SULT2B1: variants seen among roughly 807,000 people sequenced by gnomAD.
The protein encoded by SULT2B1 is sulfotransferase family 2B member 1.
SULT2B1 carries 16 observed loss-of-function variants against 33.2 expected under a neutral mutation model. That is an observed-to-expected ratio of 0.48 (90% CI 0.33 to 0.73). The LOEUF is 0.73. Ranked by LOEUF, SULT2B1 falls within the 30% of genes least tolerant of loss-of-function variation. SULT2B1 has a pLI of 0.02. For missense variants in SULT2B1, 500 were observed against 506.0 expected (o/e 0.99, Z 0.11); for synonymous variants, 186 against 200.5 (o/e 0.93, Z 0.61).
intron 2 of SULT2B1, among the ~76,000 whole-genome samples, chr19:48,580,768 A>T (rs1973475422): frequency 6.6e-6 from 1 of 150,718 alleles, no homozygotes; most frequent in South Asian, 2.1e-4. Context: ...AGCCTCCCTA[A>T]TAGCCACCAC....
chr19:48,582,609 A>T (rs1363112154), intron 2 of SULT2B1, among the ~76,000 whole-genome samples: 2 of 152,092 alleles, frequency 1.3e-5, no homozygotes, highest in African/African-American at 4.8e-5. Flanking sequence ...GCACTTTGGG[A>T]GGTCGAGGCA....
intron 1 of SULT2B1, among the ~76,000 whole-genome samples, chr19:48,563,495 C>T (rs896476705): frequency 9.2e-5 from 14 of 152,164 alleles, no homozygotes; most frequent in Non-Finnish European, 1.8e-4. Context: ...CTAATGTATA[C>T]ACAGACACGG....
At chr19:48,575,247 T>G (rs1271396469) in intron 1 of SULT2B1, among the ~76,000 whole-genome samples, 4 of 150,608 alleles carry the variant, frequency 2.7e-5, no homozygotes, top group Non-Finnish European at 5.9e-5. Flanking sequence ...TAGCTGGGAT[T>G]GCAGGTGCCC....
chr19:48,587,890 CAAAAAAAAAAAAAAA>C (rs67551728), intron 3 of SULT2B1, among the ~76,000 whole-genome samples: 17 of 39,882 alleles, frequency 4.3e-4, no homozygotes, highest in African/African-American at 1.4e-3. Flanking sequence ...AAGACTGTCT[CAAAAAAAAAAAAAAA>C]AAAAAAAAAA....
intron 1 of SULT2B1, among the ~76,000 whole-genome samples, chr19:48,570,201 C>T (rs1601093840): frequency 6.8e-6 from 1 of 146,216 alleles, no homozygotes; most frequent in African/African-American, 2.5e-5. Context: ...TTTTCTGAGG[C>T]GGAGTTTCAC....
At chr19:48,575,911 C>A (rs770139965) in intron 1 of SULT2B1, 30 bp from the exon 2 acceptor site, 2 of 1,600,652 alleles carry the variant, frequency 1.2e-6, no homozygotes, top group Admixed American at 1.7e-5. Flanking sequence ...CCCTACTCTC[C>A]CTCATGGCGT....
rs567294175 is a variant in SULT2B1, at chr19:48,596,981, G to A, written c.826+62G>A. The A allele has an allele frequency of 1.3e-4, 190 of 1,471,152 alleles. 1 individual carries two copies. The African/African-American group carries it at 2.4e-3, about 19-fold the overall frequency. 91.1% of individuals were successfully genotyped at this position (1,471,152 alleles called of 1,614,324 possible). ...CTGCCCGGCTGTGTGACCTGGGAGA[G>A]TTACTTAACCTCTCTGGGCCTCAGT... On this transcript the variant is annotated intron_variant, in intron 6 of 6. Transcript: ENST00000201586.
chr19:48,578,235 T>C (rs969761434), intron 2 of SULT2B1, among the ~76,000 whole-genome samples: 1 of 151,790 alleles, frequency 6.6e-6, no homozygotes, highest in African/African-American at 2.4e-5. Flanking sequence ...AAGGTACAAT[T>C]CAATGACTTT....
intron 1 of SULT2B1, among the ~76,000 whole-genome samples, chr19:48,559,804 G>A (rs1466878318): frequency 6.6e-6 from 1 of 152,038 alleles, no homozygotes; most frequent in Non-Finnish European, 1.5e-5. Flanking sequence ...TGGGAAAGTG[G>A]GGACCGTGAC....
At chr19:48,589,739 T>C (rs1489165227) in intron 3 of SULT2B1, among the ~76,000 whole-genome samples, 4 of 152,172 alleles carry the variant, frequency 2.6e-5, no homozygotes, top group South Asian at 2.1e-4. Context: ...AGGTGAGCAG[T>C]TGATTGAGCC....
chr19:48,599,273 A>T lies in SULT2B1; in HGVS notation c.965A>T (p.Glu322Val). The change falls in exon 7 of 7, where the codon GAG becomes GTG. Residue 322 changes from glutamate (E) to valine (V), a missense_variant. Physicochemically the swap from Glu to Val is moderately radical, Grantham distance 121. Transcript: ENST00000201586. This position sits in a 1 kb window ranked among gnomAD's most constrained non-coding sequence, Gnocchi z 4.1. ...DPEEDGSPDP[E>V]PSPEPEPKPS... ...GAGGAGGACGGCAGCCCAGATCCTGAGCCCAGCCCTGAGCCTGAGCCCAAG... is the reference window on the plus strand; with the variant it reads ...GAGGAGGACGGCAGCCCAGATCCTGTGCCCAGCCCTGAGCCTGAGCCCAAG... The T allele has an allele frequency of 6.2e-7, 1 of 1,610,998 alleles. No homozygotes were observed. The highest frequency in any genetic ancestry group is 8.5e-7 in the Non-Finnish European group (1 of 1,178,928).
rs182537109 is a variant in SULT2B1 at position 48,569,619 on chromosome 19, C to A, written c.72-6322C>A. On this transcript the variant is annotated intron_variant, in intron 1 of 6. Transcript: ENST00000201586. The stretch of plus-strand genomic sequence containing the variant: ...CCTCAAGCAGTCCTCCCATCTAGGC[C>A]TCCCAAAGTGTTGGGATTACAGGCA... Among the ~76,000 whole-genome samples the A allele has an allele frequency of 2.0e-5, 3 of 151,534 alleles. No homozygotes were observed. In the East Asian group the frequency reaches 5.9e-4, roughly 30 times the overall value.
At chr19:48,560,745 G>A (rs1038500380) in intron 1 of SULT2B1, among the ~76,000 whole-genome samples, 1 of 151,844 alleles carries the variant, frequency 6.6e-6, no homozygotes, top group African/African-American at 2.4e-5. Context: ...TGGATCCCTT[G>A]AGGTCAGGAG....
At chr19:48,567,175 C>A (rs948382685) in intron 1 of SULT2B1, among the ~76,000 whole-genome samples, 5 of 152,090 alleles carry the variant, frequency 3.3e-5, no homozygotes, top group African/African-American at 1.2e-4. Context: ...GCCATGATCG[C>A]CCTGGGATAT....
At chr19:48,567,873 G>C (rs1164445733) in intron 1 of SULT2B1, among the ~76,000 whole-genome samples, 3 of 151,986 alleles carry the variant, frequency 2.0e-5, no homozygotes, top group Non-Finnish European at 4.4e-5. Flanking sequence ...AGGAGGCTAG[G>C]CTGAGGCAGG....
chr19:48,588,065 T>A (rs957246392), intron 3 of SULT2B1, among the ~76,000 whole-genome samples: 6 of 151,158 alleles, frequency 4.0e-5, no homozygotes, highest in African/African-American at 1.2e-4. Flanking sequence ...CAAAAATTAG[T>A]CGGATCTGGT....
In SULT2B1 at chr19:48,552,778, G is replaced by A. The variant is rs1249450477; in HGVS notation, c.71+455G>A. On this transcript the variant is annotated intron_variant, in intron 1 of 6. Transcript: ENST00000201586. The surrounding 1 kb of genome is among the most constrained non-coding windows in gnomAD (Gnocchi z 4.8). ...GACTGGGATGCTGCTGAGACCCCCA[G>A]AGGGAGAAGCTGTGTTCTAGGGCAC... Among the ~76,000 whole-genome samples the A allele has an allele frequency of 2.0e-5, 3 of 152,156 alleles. No individual in the cohort carries two copies. The highest frequency in any genetic ancestry group is 4.4e-5 in the Non-Finnish European group (3 of 68,020).
At chr19:48,587,890 C>CAAAA in intron 3 of SULT2B1, among the ~76,000 whole-genome samples, 1 of 39,906 alleles carries the variant, frequency 2.5e-5, no homozygotes, top group Non-Finnish European at 4.2e-5. Flanking sequence ...AAGACTGTCT[C>CAAAA]AAAAAAAAAA....
intron 3 of SULT2B1, among the ~76,000 whole-genome samples, chr19:48,590,684 T>C (rs1185238141): frequency 6.6e-6 from 1 of 152,182 alleles, no homozygotes; most frequent in Non-Finnish European, 1.5e-5. Context: ...GGCCTTTCTC[T>C]GGGCAGAAAG....
Sources: allele counts gnomAD v4.1 joint callset (sites outside exome capture counted in the v4.1 genomes callset), GRCh38; gene constraint gnomAD v4.1.1; non-coding constraint Gnocchi (gnomAD v3.1); transcripts MANE v1.5; gene names NCBI Gene and HGNC (gene_info 2026-07-23, HGNC 2026-07-21).